Variants in ARHGEF10 observed in about 807,000 individuals in gnomAD.
ARHGEF10 encodes Rho guanine nucleotide exchange factor 10.
In ARHGEF10, 140 loss-of-function variants were observed where a neutral mutation model predicts 147.4. That is an observed-to-expected ratio of 0.95 (90% CI 0.83 to 1.09). The LOEUF is 1.09. ARHGEF10 is among the 50% of genes least tolerant of loss of function. The pLI, the probability that ARHGEF10 is intolerant of heterozygous loss-of-function variation, is 0.00. For missense variants in ARHGEF10, 2,222 were observed against 1,752.7 expected (o/e 1.27, Z -4.78); for synonymous variants, 902 against 695.8 (o/e 1.30, Z -4.67).
rs1236365761 is a variant in ARHGEF10 at position 1,948,741 on chromosome 8, G to C, written c.3397+3086G>C. On this transcript the variant is annotated intron_variant, in intron 27 of 28. Coordinates refer to ENST00000349830, the MANE Select transcript of ARHGEF10 (RefSeq NM_014629.4). The surrounding 1 kb of genome is among the most constrained non-coding windows in gnomAD (Gnocchi z 4.9). ...CCTTTCATCTCATCTCCTCTGTCTA[G>C]TCGTCTTTGCCTTTCAGCTAATATT... 6.6e-6 allele frequency among the ~76,000 whole-genome samples: 1 copy of C among 152,138 alleles called. No homozygotes were observed. Among genetic ancestry groups the C allele is most frequent in the Non-Finnish European group, 1.5e-5 (1 of 68,030 alleles).
intron 2 of ARHGEF10, among the ~76,000 whole-genome samples, chr8:1,849,476 T>A (rs1804829777): frequency 7.3e-6 from 1 of 137,138 alleles, no homozygotes; most frequent in African/African-American, 2.8e-5. Context: ...AGACAGCAAA[T>A]GCTGAGGGGG....
chr8:1,923,648 G>A (rs1387370929), intron 20 of ARHGEF10, 53 bp downstream of exon 20: 2 of 1,614,108 alleles, frequency 1.2e-6, no homozygotes, highest in Middle Eastern at 1.6e-4. Context: ...GGGAGAAAAT[G>A]GTTCTTTGTC....
intron 1 of ARHGEF10, among the ~76,000 whole-genome samples, chr8:1,834,635 A>C (rs1235294233): frequency 6.6e-6 from 1 of 152,190 alleles, no homozygotes; most frequent in African/African-American, 2.4e-5. Context: ...GTGTCCTCAC[A>C]GACCTCTGGA....
rs918912831 is a variant in ARHGEF10, at chr8:1,885,708, G to T, written c.1182+1G>T. The T allele has an allele frequency of 6.2e-7, 1 of 1,609,412 alleles. No individual in the cohort carries two copies. The highest frequency in any genetic ancestry group is 8.5e-7 in the Non-Finnish European group (1 of 1,175,768). On this transcript the variant is annotated splice_donor_variant, in intron 11 of 28. Transcript: ENST00000349830. LOFTEE classifies it high-confidence loss of function. ...GCCCGAGGGTTTATCTCAGCAGCAG[G>T]TGAGATGAGCAGAGCTGACAGGGGC...
intron 28 of ARHGEF10, among the ~76,000 whole-genome samples, chr8:1,953,677 G>A (rs1444118602): frequency 6.6e-6 from 1 of 152,174 alleles, no homozygotes; most frequent in Non-Finnish European, 1.5e-5. Context: ...CGTAATGACG[G>A]ATTGGGCCAT....
At chr8:1,932,821 A>G (rs1012424130) in intron 25 of ARHGEF10, among the ~76,000 whole-genome samples, 1 of 152,214 alleles carries the variant, frequency 6.6e-6, no homozygotes, top group African/African-American at 2.4e-5. Flanking sequence ...GAACAAAGAG[A>G]TAAGAACTGA....
At chr8:1,872,492 T>G (rs563158555) in intron 7 of ARHGEF10, among the ~76,000 whole-genome samples, 1 of 152,324 alleles carries the variant, frequency 6.6e-6, no homozygotes, top group South Asian at 2.1e-4. Context: ...GTCAGGAAGT[T>G]GAATCCAGCA....
intron 7 of ARHGEF10, 125 bp downstream of exon 7, chr8:1,869,375 T>C: frequency 1.2e-6 from 1 of 816,100 alleles, no homozygotes. Flanking sequence ...ATGTTGCTTC[T>C]AGAATGGCTT....
At chr8:1,933,044 A>G (rs944026708) in intron 25 of ARHGEF10, among the ~76,000 whole-genome samples, 13 of 152,242 alleles carry the variant, frequency 8.5e-5, no homozygotes, top group African/African-American at 2.9e-4. Context: ...ATTGGTATTC[A>G]AGGTAGCAAC....
intron 1 of ARHGEF10, among the ~76,000 whole-genome samples, chr8:1,836,516 G>A (rs926986555): frequency 1.9e-4 from 29 of 152,162 alleles, no homozygotes; most frequent in Non-Finnish European, 3.2e-4. Context: ...ACAGAAGACA[G>A]GCTCTAGACC....
At chr8:1,826,212 A>C in intron 1 of ARHGEF10, 1 of 1,307,654 alleles carries the variant, frequency 7.6e-7, no homozygotes, top group Non-Finnish European at 1.1e-6. Context: ...TGAAGTTAAA[A>C]GTTATTCAGA....
chr8:1,899,716 C>A (rs1810301569), intron 15 of ARHGEF10, among the ~76,000 whole-genome samples: 1 of 152,130 alleles, frequency 6.6e-6, no homozygotes, highest in East Asian at 1.9e-4. Flanking sequence ...TTCCCAAGAT[C>A]AAAATATTCA....
At chr8:1,880,191 C>A in intron 9 of ARHGEF10, 27 bp downstream of exon 9, 1 of 1,531,168 alleles carries the variant, frequency 6.5e-7, no homozygotes, top group Non-Finnish European at 9.0e-7. Context: ...GGCCGCTGCC[C>A]CCACTTGCCA....
At chr8:1,922,855 C>T (rs1735545261) in intron 18 of ARHGEF10, 109 bp from the exon 19 acceptor site, 3 of 749,122 alleles carry the variant, frequency 4.0e-6, no homozygotes, top group South Asian at 3.1e-5. Flanking sequence ...CTAGATTCAC[C>T]CCTCAACTTA....
At chr8:1,921,042 T>G in intron 18 of ARHGEF10, among the ~76,000 whole-genome samples, 1 of 152,210 alleles carries the variant, frequency 6.6e-6, no homozygotes, top group East Asian at 1.9e-4. Flanking sequence ...TGCCTTGGTC[T>G]CCCAAAGCAC....
At chr8:1,882,317 C>G (rs537763274) in intron 9 of ARHGEF10, among the ~76,000 whole-genome samples, 115 of 152,250 alleles carry the variant, frequency 7.6e-4, no homozygotes, top group African/African-American at 2.7e-3. Flanking sequence ...TAATTCGAGG[C>G]GAGTTGTTTG....
At chr8:1,932,316 T>C (rs117941837) in intron 25 of ARHGEF10, among the ~76,000 whole-genome samples, 7,725 of 152,262 alleles carry the variant, frequency 0.051, 281 homozygotes, top group Middle Eastern at 0.1. Context: ...TGCACATGTG[T>C]GTATGCACAC....
chr8:1,823,911 G>C (rs1802563910), upstream of ARHGEF10: 1 of 151,736 alleles, frequency 6.6e-6, no homozygotes, highest in South Asian at 2.1e-4. Flanking sequence ...GGGTGGAGCA[G>C]GCCGTCCGGG....
chr8:1,902,932 T>G (rs1810586606), intron 15 of ARHGEF10, among the ~76,000 whole-genome samples: 1 of 152,222 alleles, frequency 6.6e-6, no homozygotes, highest in African/African-American at 2.4e-5. Flanking sequence ...GACCCATCTG[T>G]GCATGGGTTC....
Sources: allele counts gnomAD v4.1 joint callset (sites outside exome capture counted in the v4.1 genomes callset), GRCh38; gene constraint gnomAD v4.1.1; non-coding constraint Gnocchi (gnomAD v3.1); transcripts MANE v1.5; gene names NCBI Gene and HGNC (gene_info 2026-07-23, HGNC 2026-07-21).